Variants in PSMB5 observed in about 807,000 individuals in gnomAD.
PSMB5 encodes the protein proteasome subunit beta type-5.
PSMB5 carries 2 observed loss-of-function variants against 22.8 expected under a neutral mutation model. The observed-to-expected ratio is 0.09, with a 90% CI of 0.04 to 0.28. The LOEUF is 0.28. PSMB5 is among the 10% of genes least tolerant of loss of function. The probability of loss-of-function intolerance (pLI) is 1.00; values close to 1 mark genes in which losing one functional copy is unlikely to be tolerated. For synonymous variants in PSMB5, 133 were observed against 135.3 expected, an observed-to-expected ratio of 0.98 and a Z score of 0.12; for missense variants, 269 against 343.8, an observed-to-expected ratio of 0.78 and a Z score of 1.72.
intron 2 of PSMB5, among the ~76,000 whole-genome samples, chr14:23,027,321 C>T (rs1316806778): frequency 6.8e-6 from 1 of 146,788 alleles, no homozygotes; most frequent in African/African-American, 2.5e-5. Flanking sequence ...GCGGAGCTTG[C>T]GGTGAGCCGA....
intron 2 of PSMB5, among the ~76,000 whole-genome samples, chr14:23,030,709 C>T (rs1451750572): frequency 6.6e-6 from 1 of 151,738 alleles, no homozygotes; most frequent in Non-Finnish European, 1.5e-5. Flanking sequence ...GGTGGATCAC[C>T]CGAGGTCAGG....
At chr14:23,034,931 G>T (rs758607733), upstream of PSMB5, 1 of 1,576,166 alleles carries the variant, frequency 6.3e-7, no homozygotes, top group East Asian at 2.3e-5. Context: ...AGCAAAGATA[G>T]GCCGGGCAAC....
intron 2 of PSMB5, among the ~76,000 whole-genome samples, chr14:23,027,066 G>A (rs1487094436): frequency 5.0e-5 from 6 of 120,198 alleles, no homozygotes; most frequent in Admixed American, 8.5e-5. Context: ...TGGGCAACAA[G>A]AGTGAAACGC....
chr14:23,026,038 T>C lies in PSMB5; in HGVS notation c.*51A>G. On this transcript the variant is annotated 3_prime_UTR_variant, in exon 3 of 3. Coordinates refer to ENST00000361611, the MANE Select transcript of PSMB5 (RefSeq NM_002797.5). ...TGGAGGATGGGTCACTGTGTCCGTA[T>C]TACCAATGACAGTCACCCCAAGAAA... 6.3e-7 allele frequency: 1 copy of C among 1,597,432 alleles called. No homozygotes were observed. The highest frequency in any genetic ancestry group is 8.5e-7 in the Non-Finnish European group (1 of 1,169,806).
intron 2 of PSMB5, chr14:23,027,815 A>G (rs1455944796): frequency 5.2e-6 from 8 of 1,546,584 alleles, no homozygotes; most frequent in Admixed American, 2.0e-5. Context: ...GGTTTCAAGC[A>G]CAGAACTTCA....
intron 2 of PSMB5, among the ~76,000 whole-genome samples, chr14:23,031,437 T>A (rs1298714399): frequency 6.6e-6 from 1 of 152,242 alleles, no homozygotes; most frequent in Non-Finnish European, 1.5e-5. Context: ...TACAGCCCTT[T>A]CTATTCTCGT....
intron 1 of PSMB5, 73 bp downstream of exon 1, chr14:23,034,611 T>G (rs758751729): frequency 3.8e-5 from 59 of 1,551,778 alleles, no homozygotes; most frequent in Non-Finnish European, 5.0e-5. Context: ...CACCGCAAAC[T>G]CCGGTCAGGC....
At chr14:23,027,039 G>A (rs1256287079) in intron 2 of PSMB5, among the ~76,000 whole-genome samples, 1 of 150,124 alleles carries the variant, frequency 6.7e-6, no homozygotes. Context: ...CCAAGATCGC[G>A]CCATTGCACT....
At chr14:23,033,941 C>T (rs1235994256) in intron 1 of PSMB5, among the ~76,000 whole-genome samples, 3 of 152,042 alleles carry the variant, frequency 2.0e-5, no homozygotes, top group Non-Finnish European at 4.4e-5. Flanking sequence ...GAGACCAAGG[C>T]GGGAGGACCG....
At chr14:23,028,394 T>C (rs2046931147) in intron 2 of PSMB5, among the ~76,000 whole-genome samples, 1 of 152,228 alleles carries the variant, frequency 6.6e-6, no homozygotes, top group Non-Finnish European at 1.5e-5. Context: ...AGACCTGCAC[T>C]GTCCATATGG....
Position 23,029,187 on chromosome 14 carries a change from T to C in PSMB5, c.506-2812A>G, listed in dbSNP as rs147987877. Among the ~76,000 whole-genome samples the C allele has an allele frequency of 4.2e-3, 632 of 152,268 alleles. 1 individual carries two copies. The highest frequency in any genetic ancestry group is 7.1e-3 in the Non-Finnish European group (486 of 68,006). ...GCCAGCTTGAGCACCTCTGCCCTTA[T>C]TGGTTTTCAGGTTCAGGTGATTCTG... On this transcript the variant is annotated intron_variant, in intron 2 of 2. Transcript: ENST00000361611.
At chr14:23,034,124 T>G (rs1433300086) in intron 1 of PSMB5, among the ~76,000 whole-genome samples, 3 of 127,284 alleles carry the variant, frequency 2.4e-5, no homozygotes, top group Admixed American at 2.3e-4. Context: ...AAGCCCTGTT[T>G]CAAAAAAAAA....
chr14:23,028,003 C>T (rs752008113), intron 2 of PSMB5, among the ~76,000 whole-genome samples: 5 of 151,962 alleles, frequency 3.3e-5, no homozygotes, highest in Non-Finnish European at 4.4e-5. Context: ...ATTAGCCAGG[C>T]GTGGTGGCGC....
intron 2 of PSMB5, among the ~76,000 whole-genome samples, chr14:23,030,363 C>T (rs980911033): frequency 6.6e-6 from 1 of 151,906 alleles, no homozygotes; most frequent in African/African-American, 2.4e-5. Flanking sequence ...GTGGCGGGCA[C>T]CTGTAGTCCC....
In PSMB5 at chr14:23,034,695, G is replaced by A. The variant is rs761264731; in HGVS notation, c.187C>T (p.Leu63=). The change falls in exon 1 of 3, where the codon CTG becomes TTG. Residue 63 remains leucine (L), a synonymous_variant. Coordinates refer to ENST00000361611, the MANE Select transcript of PSMB5 (RefSeq NM_002797.5). ...GGCTGGCTCCACACCTTGAAGGCCA[G>A]GGTGGTTGTTCCATGAAGCATTTCG... ...GIEMLHGTTT[L]AFKFRHGVIV... The A allele has an allele frequency of 1.2e-6, 2 of 1,614,138 alleles. No homozygotes were observed. The highest frequency in any genetic ancestry group is 1.7e-6 in the Non-Finnish European group (2 of 1,180,010).
At chr14:23,031,810 T>C (rs1259446661) in intron 2 of PSMB5, among the ~76,000 whole-genome samples, 1 of 152,204 alleles carries the variant, frequency 6.6e-6, no homozygotes, top group Non-Finnish European at 1.5e-5. Context: ...AGCCCAGGAC[T>C]AGGCGCAATG....
intron 2 of PSMB5, among the ~76,000 whole-genome samples, chr14:23,032,458 AAAAG>A (rs2046959858): frequency 6.6e-6 from 1 of 152,208 alleles, no homozygotes; most frequent in African/African-American, 2.4e-5. Flanking sequence ...AAAAAAGAAA[AAAAG>A]AAAAAAACAG....
chr14:23,033,794 AC>A, intron 1 of PSMB5, 120 bp from the exon 2 acceptor site: 2 of 848,130 alleles, frequency 2.4e-6, no homozygotes, highest in Non-Finnish European at 3.6e-6. Context: ...TTTATACTTC[AC>A]AGTATACTTC....
At chr14:23,027,449 C>A (rs1327457172) in intron 2 of PSMB5, among the ~76,000 whole-genome samples, 2 of 143,944 alleles carry the variant, frequency 1.4e-5, no homozygotes, top group East Asian at 4.0e-4. Context: ...AAAAGAGAAA[C>A]CCAGGGAAGC....
Sources: allele counts gnomAD v4.1 joint callset (sites outside exome capture counted in the v4.1 genomes callset), GRCh38; gene constraint gnomAD v4.1.1; transcripts MANE v1.5; gene names NCBI Gene and HGNC (gene_info 2026-07-23, HGNC 2026-07-21).